SATB1: variants seen among roughly 807,000 people sequenced by gnomAD.
SATB1 encodes SATB homeobox 1, also known as DNA-binding protein SATB1.
Under a neutral mutation model 86.9 loss-of-function variants are expected in SATB1, and 11 were observed. The observed-to-expected ratio is 0.13, with a 90% confidence interval of 0.08 to 0.21. The LOEUF (loss-of-function observed/expected upper bound fraction) is 0.21. Among genes scored for constraint, SATB1 ranks in the 10% least tolerant of loss-of-function variants. The pLI, the probability that SATB1 is intolerant of heterozygous loss-of-function variation, is 1.00. For synonymous variants in SATB1, 357 were observed against 357.2 expected, an observed-to-expected ratio of 1.00 and a Z score of 0.01; for missense variants, 551 against 937.6, an observed-to-expected ratio of 0.59 and a Z score of 5.39.
chr3:18,376,224 G>A (rs541737713), intron 9 of SATB1, among the ~76,000 whole-genome samples: 13 of 150,738 alleles, frequency 8.6e-5, no homozygotes, highest in African/African-American at 3.2e-4. Context: ...TGAAGTCAAA[G>A]ATAGCAAAGG....
upstream of SATB1, among the ~76,000 whole-genome samples, chr3:18,441,777 A>G (rs1699249897): frequency 6.6e-6 from 1 of 152,182 alleles, no homozygotes. Context: ...ACAACCTGTC[A>G]TATGAAAAAG....
chr3:18,374,960 A>G (rs1695669810), intron 9 of SATB1, among the ~76,000 whole-genome samples: 1 of 152,140 alleles, frequency 6.6e-6, no homozygotes, highest in Non-Finnish European at 1.5e-5. Flanking sequence ...AAAATTTTCC[A>G]ATATTATACC....
intron 5 of SATB1, among the ~76,000 whole-genome samples, chr3:18,405,713 C>CT (rs1056292461): frequency 6.6e-5 from 10 of 151,900 alleles, no homozygotes; most frequent in African/African-American, 2.4e-4. Flanking sequence ...CCAAAATTGG[C>CT]TTATAATTTC....
At chr3:18,435,218 AAG>A (rs2125202547) in intron 2 of SATB1, 1 of 152,310 alleles carries the variant, frequency 6.6e-6, no homozygotes, top group Non-Finnish European at 1.5e-5. Context: ...TGCTTAAAGA[AAG>A]AGGGAGAAGT....
rs918613139 is a variant in SATB1 at position 18,444,789 on chromosome 3, T to C, written c.-25+729A>G. 6.9e-5 allele frequency: 22 copies of C among 320,108 alleles called. No individual in the cohort carries two copies. The South Asian group carries it at 1.9e-3, about 27-fold the overall frequency. The allele number at this position is 320,108 out of a possible 1,614,324, so 19.8% of individuals were successfully genotyped here. A position where few individuals can be genotyped will look rare whatever the true frequency, so the allele number is the denominator to read the frequency against. Reference sequence around the variant, plus strand: ...TTAATTGCAACTTGACTTCAAGTTGTCCTCTTTCCCCATACGAAGTGGGCG... The same window carrying C: ...TTAATTGCAACTTGACTTCAAGTTGCCCTCTTTCCCCATACGAAGTGGGCG... On this transcript the variant is annotated intron_variant, in intron 1 of 3. Transcript: ENST00000415069. The surrounding 1 kb of genome is among the most constrained non-coding windows in gnomAD (Gnocchi z 5.1).
intron 9 of SATB1, among the ~76,000 whole-genome samples, chr3:18,371,736 A>G (rs1559408529): frequency 6.6e-6 from 1 of 152,240 alleles, no homozygotes; most frequent in Non-Finnish European, 1.5e-5. Context: ...AAAAAAGAAG[A>G]TAAAGTTAAA....
At chr3:18,406,948 T>C (rs1212469655) in intron 5 of SATB1, among the ~76,000 whole-genome samples, 1 of 152,050 alleles carries the variant, frequency 6.6e-6, no homozygotes, top group Non-Finnish European at 1.5e-5. Flanking sequence ...GAGTTCCTAC[T>C]GTGTGTCAGG....
chr3:18,395,495 A>G (rs1696920879), intron 6 of SATB1, among the ~76,000 whole-genome samples: 1 of 152,232 alleles, frequency 6.6e-6, no homozygotes, highest in South Asian at 2.1e-4. Context: ...AATGGGCATA[A>G]TAATAAGTGT....
rs762546238 is a variant in SATB1 at position 18,416,096 on chromosome 3, C to G, written c.426G>C (p.Leu142=). 35 of 1,610,382 alleles carry G rather than the reference C, an allele frequency of 2.2e-5. No homozygotes were observed. The highest frequency in any genetic ancestry group is 2.6e-5 in the Non-Finnish European group (31 of 1,177,726). Residue 142 remains leucine, a synonymous_variant, in exon 4 of 11, where the codon CTG becomes CTC. Coordinates refer to ENST00000338745, the MANE Select transcript of SATB1 (RefSeq NM_002971.6). The stretch of plus-strand genomic sequence containing the variant: ...CATCAGGGGCATCTGTCACGTAAGA[C>G]AGTGGAACTGGATTCCACTTTCCAA... ...IQVGKWNPVP[L]SYVTDAPDAT...
At chr3:18,425,771 G>A (rs1032007793), upstream of SATB1, among the ~76,000 whole-genome samples, 3 of 151,174 alleles carry the variant, frequency 2.0e-5, no homozygotes, top group Admixed American at 2.0e-4. Flanking sequence ...GAGCGGGGAG[G>A]GGAGCGCGCG....
intron 2 of SATB1, among the ~76,000 whole-genome samples, chr3:18,431,640 T>C (rs963035027): frequency 1.3e-5 from 2 of 152,126 alleles, no homozygotes; most frequent in Non-Finnish European, 2.9e-5. Flanking sequence ...TTAGGTGATG[T>C]TTTAGAGACA....
At chr3:18,417,208 A>G in intron 2 of SATB1, 130 bp from the exon 3 acceptor site, 2 of 866,096 alleles carry the variant, frequency 2.3e-6, no homozygotes, top group South Asian at 3.0e-5. Flanking sequence ...TCCAAGGCAG[A>G]CTGGGTACAG....
chr3:18,376,087 G>C (rs1695735860), intron 9 of SATB1, among the ~76,000 whole-genome samples: 1 of 152,046 alleles, frequency 6.6e-6, no homozygotes, highest in South Asian at 2.1e-4. Context: ...CAAAGAGCAG[G>C]GATGTTTAAA....
intron 1 of SATB1, chr3:18,445,147 G>T (rs1282101794): frequency 2.9e-5 from 26 of 885,202 alleles, no homozygotes; most frequent in Non-Finnish European, 3.4e-5. Flanking sequence ...TTCGGAGCTT[G>T]TGCGGCGCGG....
intron 9 of SATB1, among the ~76,000 whole-genome samples, chr3:18,365,778 T>C (rs1388383124): frequency 6.6e-6 from 1 of 152,248 alleles, no homozygotes; most frequent in Non-Finnish European, 1.5e-5. Context: ...AAGGCTTTCG[T>C]CCTTATGGTT....
intron 8 of SATB1, among the ~76,000 whole-genome samples, chr3:18,385,634 A>AG (rs950947057): frequency 6.7e-6 from 1 of 149,780 alleles, no homozygotes; most frequent in Non-Finnish European, 1.5e-5. Context: ...AAAGAAAAAA[A>AG]AAAAAAGATA....
At chr3:18,380,139 A>G (rs1695972862) in intron 8 of SATB1, among the ~76,000 whole-genome samples, 1 of 152,118 alleles carries the variant, frequency 6.6e-6, no homozygotes. Context: ...GTCCCTTTTA[A>G]TACCTATTTT....
intron 9 of SATB1, among the ~76,000 whole-genome samples, chr3:18,362,873 A>AAC (rs1553615740): frequency 6.8e-6 from 1 of 147,074 alleles, no homozygotes; most frequent in Non-Finnish European, 1.5e-5. Context: ...AAAAAAAAAA[A>AAC]AAAAAAAACC....
chr3:18,351,843 A>G (rs2125128240), intron 10 of SATB1, 149 bp downstream of exon 10: 1 of 692,814 alleles, frequency 1.4e-6, no homozygotes, highest in East Asian at 2.6e-5. Flanking sequence ...TATTCATTTT[A>G]TCCCCCTGAG....
Sources: gnomAD v4.1 joint callset for allele counts (sites outside exome capture counted in the v4.1 genomes callset) on GRCh38, gnomAD v4.1.1 for gene constraint, Gnocchi (gnomAD v3.1) non-coding constraint, MANE v1.5 for transcripts, NCBI Gene and HGNC (gene_info 2026-07-23, HGNC 2026-07-21) for gene names.